The following RAD51B variants were observed in gnomAD, a reference collection of about 807,000 sequenced individuals.
RAD51B encodes DNA repair protein RAD51 homolog 2.
RAD51B carries 38 observed loss-of-function variants against 42.2 expected under a neutral mutation model. The ratio of observed to expected loss-of-function variants is 0.90; its 90% confidence interval spans 0.70 to 1.18. The LOEUF (loss-of-function observed/expected upper bound fraction) is 1.18. RAD51B is among the 50% of genes most tolerant of loss of function. The probability of loss-of-function intolerance (pLI) is 0.00; values close to 1 mark genes in which losing one functional copy is unlikely to be tolerated. For missense variants in RAD51B, 373 were observed against 400.7 expected, an observed-to-expected ratio of 0.93 and a Z score of 0.59; for synonymous variants, 154 against 145.2, an observed-to-expected ratio of 1.06 and a Z score of -0.43.
intron 8 of RAD51B, among the ~76,000 whole-genome samples, chr14:68,398,918 T>C (rs1377438578): frequency 6.6e-6 from 1 of 152,192 alleles, no homozygotes; most frequent in Non-Finnish European, 1.5e-5. Context: ...TGTTAGCATA[T>C]ATTAGGATCA....
At chr14:68,406,332 G>A (rs537453314) in intron 8 of RAD51B, among the ~76,000 whole-genome samples, 1 of 152,190 alleles carries the variant, frequency 6.6e-6, no homozygotes, top group South Asian at 2.1e-4. Context: ...AACCCAGGCT[G>A]TATAGTATAG....
intron 11 of RAD51B, among the ~76,000 whole-genome samples, chr14:68,656,080 C>T (rs79829238): frequency 0.067 from 10,247 of 152,188 alleles, 491 homozygotes; most frequent in Middle Eastern, 0.13. Context: ...GAACACAGTC[C>T]CTGTCCTGCA....
chr14:68,364,892 C>G (rs1401413351), intron 8 of RAD51B, among the ~76,000 whole-genome samples: 1 of 152,182 alleles, frequency 6.6e-6, no homozygotes, highest in East Asian at 1.9e-4. Context: ...TTACCCTTTT[C>G]CCGCTCAAGC....
At chr14:68,267,514 G>T (rs2081016093) in intron 7 of RAD51B, among the ~76,000 whole-genome samples, 1 of 152,122 alleles carries the variant, frequency 6.6e-6, no homozygotes, top group Non-Finnish European at 1.5e-5. Flanking sequence ...TTGTGTGTAA[G>T]GTTTGATTGG....
intron 8 of RAD51B, chr14:68,387,323 C>T (rs1053362025): frequency 3.3e-5 from 5 of 152,198 alleles, no homozygotes; most frequent in African/African-American, 1.2e-4. Flanking sequence ...AGCTAAAATG[C>T]ACCTGGAATA....
At chr14:68,422,332 G>T in intron 9 of RAD51B, 1 of 491,860 alleles carries the variant, frequency 2.0e-6, no homozygotes, top group South Asian at 1.9e-5. Context: ...GGAGGCCGAG[G>T]CAGGTGGATC....
intron 9 of RAD51B, among the ~76,000 whole-genome samples, chr14:68,415,795 A>C (rs1003717409): frequency 6.6e-6 from 1 of 152,228 alleles, no homozygotes; most frequent in African/African-American, 2.4e-5. Flanking sequence ...ACATTTATAC[A>C]ATTTCTCCTC....
intron 9 of RAD51B, among the ~76,000 whole-genome samples, chr14:68,444,598 G>A (rs887367143): frequency 5.3e-5 from 8 of 152,318 alleles, no homozygotes; most frequent in Admixed American, 2.6e-4. Flanking sequence ...TTGGCCACAG[G>A]GCTGCACCTA....
intron 9 of RAD51B, among the ~76,000 whole-genome samples, chr14:68,457,622 C>T (rs1313975434): frequency 4.6e-5 from 7 of 151,640 alleles, no homozygotes; most frequent in South Asian, 2.1e-4. Context: ...TTTTTTGAGA[C>T]GGAGTCTAGC....
At chr14:68,188,054 A>G (rs2079191562) in intron 7 of RAD51B, among the ~76,000 whole-genome samples, 1 of 152,134 alleles carries the variant, frequency 6.6e-6, no homozygotes, top group Admixed American at 6.5e-5. Flanking sequence ...ACCTCAAGTC[A>G]TCCACCCGCC....
At chr14:67,920,046 TG>T (rs1325559783) in intron 7 of RAD51B, among the ~76,000 whole-genome samples, 3 of 152,216 alleles carry the variant, frequency 2.0e-5, no homozygotes, top group Non-Finnish European at 1.5e-5. Context: ...ATCTATATAT[TG>T]ATAAGCATTC....
intron 7 of RAD51B, among the ~76,000 whole-genome samples, chr14:67,984,744 G>A (rs549184313): frequency 1.3e-5 from 2 of 152,124 alleles, no homozygotes; most frequent in Admixed American, 1.3e-4. Context: ...GCTGTCAGTG[G>A]TCACCAAGGT....
At chr14:68,160,366 T>C (rs570645459) in intron 7 of RAD51B, among the ~76,000 whole-genome samples, 3 of 152,314 alleles carry the variant, frequency 2.0e-5, no homozygotes, top group Middle Eastern at 3.4e-3. Flanking sequence ...CTGAGTTCCC[T>C]AGCTTTCAAT....
At chr14:68,435,785 G>A (rs971977444) in intron 9 of RAD51B, among the ~76,000 whole-genome samples, 9 of 152,002 alleles carry the variant, frequency 5.9e-5, no homozygotes, top group Admixed American at 5.9e-4. Flanking sequence ...GTAATTTTGA[G>A]CATTTTTTCA....
intron 7 of RAD51B, among the ~76,000 whole-genome samples, chr14:68,193,626 T>C (rs991346717): frequency 3.3e-5 from 5 of 152,198 alleles, no homozygotes; most frequent in African/African-American, 1.2e-4. Context: ...ATCAAACTTT[T>C]AGTGACTGAA....
At chr14:68,207,809 C>T (rs927165457) in intron 7 of RAD51B, among the ~76,000 whole-genome samples, 2 of 151,476 alleles carry the variant, frequency 1.3e-5, no homozygotes, top group African/African-American at 4.9e-5. Flanking sequence ...ATTTGGTTAC[C>T]AAAGGTTTTT....
At chr14:68,155,222 C>T (rs1225975269) in intron 7 of RAD51B, among the ~76,000 whole-genome samples, 3 of 149,608 alleles carry the variant, frequency 2.0e-5, no homozygotes, top group Non-Finnish European at 3.0e-5. Context: ...GGTGGAGTCT[C>T]GCTCTATTGC....
At chr14:67,835,857 A>G (rs1037425533) in intron 4 of RAD51B, among the ~76,000 whole-genome samples, 10 of 151,970 alleles carry the variant, frequency 6.6e-5, no homozygotes, top group African/African-American at 2.4e-4. Context: ...CCCTGTCTCA[A>G]AAAAAAGAAA....
rs146755597 is a variant in RAD51B at position 67,904,455 on chromosome 14, G to GA, written c.756+17252dup. 9.0e-3 allele frequency among the ~76,000 whole-genome samples: 1,365 copies of GA among 151,262 alleles called. 28 individuals carry two copies. The highest frequency in any genetic ancestry group is 0.031 in the African/African-American group (1,286 of 41,186). Reference sequence around the variant, plus strand: ...ATAATAGCTATTCTGACTGGTGTGAGATGGTATCTCATTTTGATTTTAGTA... The same window carrying GA: ...ATAATAGCTATTCTGACTGGTGTGAGAATGGTATCTCATTTTGATTTTAGTA... On this transcript the variant is annotated intron_variant, in intron 7 of 10. Transcript: ENST00000471583.
Sources: allele counts gnomAD v4.1 joint callset (sites outside exome capture counted in the v4.1 genomes callset), GRCh38; gene constraint gnomAD v4.1.1; transcripts MANE v1.5; gene names NCBI Gene and HGNC (gene_info 2026-07-23, HGNC 2026-07-21).